LNX1: variants seen among roughly 807,000 people sequenced by gnomAD.
The protein encoded by LNX1 is E3 ubiquitin-protein ligase LNX.
A neutral mutation model predicts 68.4 loss-of-function variants in LNX1; 54 were observed. That is an observed-to-expected ratio of 0.79 (90% confidence interval 0.63 to 0.99). LNX1 has a LOEUF of 0.99. Among genes scored for constraint, LNX1 ranks in the 50% least tolerant of loss-of-function variants. The probability of loss-of-function intolerance (pLI) is 0.00; values close to 1 mark genes in which losing one functional copy is unlikely to be tolerated. For synonymous variants in LNX1, 336 were observed against 350.0 expected (o/e 0.96, Z 0.45); for missense variants, 906 against 926.4 (o/e 0.98, Z 0.29).
At position 53,460,680 on chromosome 4, in the gene LNX1, T is replaced by G; in HGVS notation, c.*227A>C. The G allele has an allele frequency of 2.1e-6, 1 of 465,750 alleles. No individual in the cohort carries two copies. Among genetic ancestry groups the G allele is most frequent in the Non-Finnish European group, 3.7e-6 (1 of 267,968 alleles). The allele number at this position is 465,750 out of a possible 1,614,324, so 28.9% of individuals were successfully genotyped here. A position where few individuals can be genotyped will look rare whatever the true frequency, so the allele number is the denominator to read the frequency against. ...TGAATAGAAAAAATATAAACAATGT[T>G]GTAGAGTAATGAGAAATCCTCCACA... On this transcript the variant is annotated 3_prime_UTR_variant, in exon 11 of 11. Transcript: ENST00000263925.
At chr4:53,646,198 A>G (rs1436790772) in intron 1 of LNX1, among the ~76,000 whole-genome samples, 1 of 152,092 alleles carries the variant, frequency 6.6e-6, no homozygotes, top group East Asian at 1.9e-4. Context: ...ATTCTTGTTT[A>G]TATTTCCCAT....
intron 2 of LNX1, among the ~76,000 whole-genome samples, chr4:53,606,723 C>T (rs1233258429): frequency 6.6e-6 from 1 of 152,236 alleles, no homozygotes; most frequent in Non-Finnish European, 1.5e-5. Context: ...TACTGGCAAA[C>T]TGAATCTAGC....
chr4:53,629,592 G>T (rs532022381), intron 1 of LNX1, among the ~76,000 whole-genome samples: 1 of 152,218 alleles, frequency 6.6e-6, no homozygotes, highest in South Asian at 2.1e-4. Flanking sequence ...CTCGAAACCA[G>T]TGGCAAAGCC....
At chr4:53,518,763 T>C (rs1368148403) in intron 2 of LNX1, among the ~76,000 whole-genome samples, 2 of 151,470 alleles carry the variant, frequency 1.3e-5, no homozygotes, top group East Asian at 3.9e-4. Context: ...GGACTGTTAA[T>C]AGGCCATGCA....
At chr4:53,576,499 C>T (rs1057048895) in intron 1 of LNX1, 6 of 1,224,722 alleles carry the variant, frequency 4.9e-6, no homozygotes, top group South Asian at 3.4e-5. Context: ...GAGGCAGGCT[C>T]TTCATCCAGG....
At chr4:53,530,593 A>G (rs1279330147) in intron 2 of LNX1, among the ~76,000 whole-genome samples, 2 of 152,200 alleles carry the variant, frequency 1.3e-5, no homozygotes, top group African/African-American at 4.8e-5. Flanking sequence ...TGTATCAAGT[A>G]TTTTTAAAAT....
intron 4 of LNX1, among the ~76,000 whole-genome samples, chr4:53,506,066 T>C (rs549393042): frequency 3.3e-5 from 5 of 152,306 alleles, no homozygotes; most frequent in Middle Eastern, 3.4e-3. Context: ...GCATAATACA[T>C]ACAGTGGTTT....
At chr4:53,585,438 G>A (rs1262140282) in intron 1 of LNX1, among the ~76,000 whole-genome samples, 1 of 152,116 alleles carries the variant, frequency 6.6e-6, no homozygotes, top group East Asian at 1.9e-4. Context: ...GATACAGTGG[G>A]TAGAATGAGG....
intron 2 of LNX1, among the ~76,000 whole-genome samples, chr4:53,530,722 G>C (rs1560648736): frequency 6.6e-6 from 1 of 152,186 alleles, no homozygotes; most frequent in African/African-American, 2.4e-5. Flanking sequence ...CTAGGGGATA[G>C]TTTCATTGAC....
rs117401196 is a variant in LNX1 at position 53,557,888 on chromosome 4, G to C, written c.380+15735C>G. The C allele has an allele frequency of 7.2e-4, 1,160 of 1,613,250 alleles. 13 individuals carry two copies. In the East Asian group the frequency reaches 0.024, roughly 33 times the overall value. ...AGGGGACTCACAGTTCTGAATACAGGAAGTGCAGGTTGCCCACATTGTCAA... is the reference window on the plus strand; with the variant it reads ...AGGGGACTCACAGTTCTGAATACAGCAAGTGCAGGTTGCCCACATTGTCAA... On this transcript the variant is annotated intron_variant, in intron 2 of 10. Coordinates refer to ENST00000263925, the MANE Select transcript of LNX1 (RefSeq NM_001126328.3).
At chr4:53,475,811 G>A (rs1028717834) in intron 9 of LNX1, among the ~76,000 whole-genome samples, 10 of 152,156 alleles carry the variant, frequency 6.6e-5, no homozygotes, top group African/African-American at 1.9e-4. Context: ...AAGTAATTAC[G>A]TCACTGTAAG....
chr4:53,635,544 T>C (rs1361966841), intron 1 of LNX1, among the ~76,000 whole-genome samples: 1 of 152,170 alleles, frequency 6.6e-6, no homozygotes, highest in East Asian at 1.9e-4. Context: ...TTTAATATTA[T>C]TATAAAGAAA....
At chr4:53,500,523 TG>T (rs1320602480) in intron 4 of LNX1, 1 of 152,206 alleles carries the variant, frequency 6.6e-6, no homozygotes, top group African/African-American at 2.4e-5. Context: ...TCAAAACCCG[TG>T]ACCTTAGTCC....
At chr4:53,638,609 T>TC (rs1217135221) in intron 1 of LNX1, among the ~76,000 whole-genome samples, 1 of 152,184 alleles carries the variant, frequency 6.6e-6, no homozygotes, top group African/African-American at 2.4e-5. Context: ...ATTTTTGTGC[T>TC]CTTCATTGGT....
At chr4:53,625,023 A>G (rs1734021395) in intron 1 of LNX1, among the ~76,000 whole-genome samples, 1 of 152,192 alleles carries the variant, frequency 6.6e-6, no homozygotes, top group African/African-American at 2.4e-5. Context: ...AGATTTATAT[A>G]TTTGTGATAG....
intron 1 of LNX1, among the ~76,000 whole-genome samples, chr4:53,624,150 T>C (rs1334102979): frequency 6.6e-6 from 1 of 152,184 alleles, no homozygotes; most frequent in Non-Finnish European, 1.5e-5. Context: ...TAGGCTTTCT[T>C]TATTTAGAGT....
intron 1 of LNX1, among the ~76,000 whole-genome samples, chr4:53,642,223 TAAAA>T (rs745476837): frequency 1.0e-5 from 1 of 96,304 alleles, no homozygotes; most frequent in African/African-American, 3.7e-5. Context: ...AATCCTATCT[TAAAA>T]AAAAAAAAAA....
intron 6 of LNX1, among the ~76,000 whole-genome samples, chr4:53,486,704 G>T (rs1425034622): frequency 3.3e-5 from 5 of 152,184 alleles, no homozygotes. Context: ...AAAAAAGAGG[G>T]TTAAAACTAA....
intron 1 of LNX1, among the ~76,000 whole-genome samples, chr4:53,631,194 C>T (rs1180727353): frequency 1.3e-5 from 2 of 152,184 alleles, no homozygotes; most frequent in African/African-American, 4.8e-5. Flanking sequence ...GTCTTCCCCA[C>T]TACCTGGTGA....
Sources: gnomAD v4.1 joint callset for allele counts (sites outside exome capture counted in the v4.1 genomes callset) on GRCh38, gnomAD v4.1.1 for gene constraint, MANE v1.5 for transcripts, NCBI Gene and HGNC (gene_info 2026-07-23, HGNC 2026-07-21) for gene names.